ALMS1: variants seen among roughly 807,000 people sequenced by gnomAD.
ALMS1 encodes ALMS1 centrosome and basal body associated protein.
ALMS1 carries 271 observed loss-of-function variants against 352.2 expected under a neutral mutation model. The ratio of observed to expected loss-of-function variants is 0.77; its 90% CI spans 0.70 to 0.85. ALMS1 has a LOEUF of 0.85. Among genes scored for constraint, ALMS1 ranks in the 40% least tolerant of loss-of-function variants. The pLI is 0.00. For synonymous variants in ALMS1, 1,865 were observed against 1,761.2 expected, an observed-to-expected ratio of 1.06 and a Z score of -1.48; for missense variants, 5,445 against 4,870.7, an observed-to-expected ratio of 1.12 and a Z score of -3.51.
intron 1 of ALMS1, 119 bp from the exon 2 acceptor site, chr2:73,408,503 G>C: frequency 8.7e-7 from 1 of 1,154,632 alleles, no homozygotes; most frequent in Non-Finnish European, 1.2e-6. Context: ...AAATCAAAAT[G>C]TCGTATATGT....
At chr2:73,422,825 T>C in intron 3 of ALMS1, 32 bp from the exon 4 acceptor site, 1 of 1,531,272 alleles carries the variant, frequency 6.5e-7, no homozygotes, top group Non-Finnish European at 9.0e-7. Context: ...ATTTTCAGCA[T>C]TACCCAGCAT....
chr2:73,424,712 G>A lies in ALMS1; in HGVS notation c.1047G>A (p.Lys349=), dbSNP rs574271805. The change falls in exon 5 of 23, where the codon AAG becomes AAA. Residue 349 remains lysine, a synonymous_variant. Transcript: ENST00000613296. ...YDDLCSYMSW[K]TRKDTQWPEN... is the part of the protein sequence containing the mutation. ...ATCTTTGTTCATATATGTCATGGAA[G>A]ACACGAAAAGATACACAGTGGCCTG... The A allele has an allele frequency of 6.2e-7, 1 of 1,614,094 alleles. No individual in the cohort carries two copies. Among genetic ancestry groups the A allele is most frequent in the South Asian group, 1.1e-5 (1 of 91,066 alleles).
At position 73,597,840 on chromosome 2, in the gene ALMS1, A is replaced by G. The variant is rs77209034; in HGVS notation, c.11548-1561A>G. 1.2e-3 allele frequency among the ~76,000 whole-genome samples: 184 copies of G among 151,292 alleles called. 4 individuals carry two copies. In the East Asian group the frequency reaches 0.032, roughly 26 times the overall value. Reference sequence around the variant, plus strand: ...CCATTCCTCCTGCCTAATGAGCAGGACTTTACAATTGCCCCTACTAAACAT... The same window carrying G: ...CCATTCCTCCTGCCTAATGAGCAGGGCTTTACAATTGCCCCTACTAAACAT... On this transcript the variant is annotated intron_variant, in intron 16 of 22. Coordinates refer to ENST00000613296, the MANE Select transcript of ALMS1 (RefSeq NM_001378454.1).
At chr2:73,506,530 T>C (rs564480119) in intron 10 of ALMS1, among the ~76,000 whole-genome samples, 1 of 152,324 alleles carries the variant, frequency 6.6e-6, no homozygotes, top group African/African-American at 2.4e-5. Flanking sequence ...TTCCTAGGTA[T>C]TTTATTCTCT....
Position 73,448,504 on chromosome 2 carries a change from G to A in ALMS1, c.1977G>A (p.Thr659=), listed in dbSNP as rs201316401. The part of the protein sequence containing the change: ...SAAPGPVEQK[T]GIPTVSSTSH... ...CTCCTGGCCCAGTGGAGCAGAAGAC[G>A]GGAATACCTACAGTATCCTCTACAT... is the stretch of plus-strand genomic sequence containing the variant. Residue 659 remains threonine (T), a synonymous_variant, in exon 8 of 23, where the codon ACG becomes ACA. Transcript: ENST00000613296. 3.7e-5 allele frequency: 59 copies of A among 1,613,838 alleles called. No homozygotes were observed. The African/African-American group carries it at 6.1e-4, about 17-fold the overall frequency.
chr2:73,576,549 T>A (rs974045685), intron 16 of ALMS1, among the ~76,000 whole-genome samples: 1 of 152,118 alleles, frequency 6.6e-6, no homozygotes, highest in Non-Finnish European at 1.5e-5. Flanking sequence ...TGAGTGTTTT[T>A]GTCATCAAAG....
intron 3 of ALMS1, among the ~76,000 whole-genome samples, chr2:73,421,501 T>C (rs1671284086): frequency 6.6e-6 from 1 of 152,170 alleles, no homozygotes; most frequent in African/African-American, 2.4e-5. Flanking sequence ...AGAGGAACTG[T>C]ACCAATTGTT....
intron 1 of ALMS1, among the ~76,000 whole-genome samples, chr2:73,401,515 AAG>A (rs1670871417): frequency 6.6e-6 from 1 of 152,086 alleles, no homozygotes; most frequent in Admixed American, 6.5e-5. Context: ...TTAACCTCTT[AAG>A]TATGTTGGGA....
chr2:73,437,589 A>G (rs1238788989), intron 7 of ALMS1, among the ~76,000 whole-genome samples: 2 of 152,196 alleles, frequency 1.3e-5, no homozygotes, highest in African/African-American at 2.4e-5. Context: ...TATGGATCGT[A>G]TCTACTGATG....
chr2:73,573,502 A>G (rs999755648), intron 16 of ALMS1, 78 bp downstream of exon 16: 2 of 1,491,566 alleles, frequency 1.3e-6, no homozygotes, highest in African/African-American at 1.4e-5. Flanking sequence ...CACACAGGTG[A>G]AAAAAACAAG....
intron 7 of ALMS1, among the ~76,000 whole-genome samples, chr2:73,445,502 G>A (rs151302905): frequency 1.1e-4 from 17 of 152,184 alleles, no homozygotes; most frequent in African/African-American, 3.4e-4. Flanking sequence ...GACTTGGAAC[G>A]ATTACTAGTA....
At chr2:73,476,255 A>G (rs1399650450) in intron 9 of ALMS1, among the ~76,000 whole-genome samples, 1 of 152,028 alleles carries the variant, frequency 6.6e-6, no homozygotes, top group African/African-American at 2.4e-5. Flanking sequence ...ATATTATTCC[A>G]TTGTATGTGT....
intron 16 of ALMS1, among the ~76,000 whole-genome samples, chr2:73,583,927 A>G (rs560511253): frequency 5.3e-5 from 8 of 152,064 alleles, no homozygotes; most frequent in Non-Finnish European, 1.2e-4. Context: ...ATACTCCAAC[A>G]TTGTTCTTGT....
chr2:73,447,909 A>G (rs1671838431), intron 7 of ALMS1, 51 bp from the exon 8 acceptor site: 1 of 1,522,290 alleles, frequency 6.6e-7, no homozygotes. Context: ...AGCACATAGA[A>G]TTTTAAAATA....
chr2:73,416,034 G>A (rs1189048315), intron 2 of ALMS1, among the ~76,000 whole-genome samples: 2 of 152,144 alleles, frequency 1.3e-5, no homozygotes, highest in African/African-American at 4.8e-5. Flanking sequence ...AAGACTAATG[G>A]ATACATCTGT....
Position 73,419,188 on chromosome 2 carries a change from G to A in ALMS1, c.516G>A (p.Gln172=), listed in dbSNP as rs767428243. The A allele has an allele frequency of 6.2e-7, 1 of 1,613,906 alleles. No individual in the cohort carries two copies. Among genetic ancestry groups the A allele is most frequent in the Non-Finnish European group, 8.5e-7 (1 of 1,179,948 alleles). Residue 172 remains glutamine (Q), a synonymous_variant, in exon 3 of 23, where the codon CAG becomes CAA. Transcript: ENST00000613296. ...MDSSQTLDTS[Q]TRFNVRTEDT... is the part of the protein sequence containing the mutation. ...CTTCCCAAACCTTGGATACATCCCA[G>A]ACTAGGTTTAATGTGAGAACGGAAG... is the stretch of plus-strand genomic sequence containing the variant.
intron 16 of ALMS1, among the ~76,000 whole-genome samples, chr2:73,594,735 C>A (rs1020684035): frequency 3.3e-5 from 5 of 152,190 alleles, no homozygotes; most frequent in African/African-American, 9.7e-5. Context: ...TCTCTGAAGG[C>A]ACAGGAAACA....
intron 10 of ALMS1, among the ~76,000 whole-genome samples, chr2:73,497,568 CTA>C (rs1207202235): frequency 6.6e-6 from 1 of 151,978 alleles, no homozygotes; most frequent in Admixed American, 6.6e-5. Context: ...ATACTGTACT[CTA>C]TGAAGTGTAT....
At chr2:73,534,520 CT>C (rs1393984380) in intron 11 of ALMS1, among the ~76,000 whole-genome samples, 1 of 152,152 alleles carries the variant, frequency 6.6e-6, no homozygotes, top group Non-Finnish European at 1.5e-5. Context: ...ACTGTTTCCC[CT>C]GCATTTAAAC....
Sources: gnomAD v4.1 joint callset for allele counts (sites outside exome capture counted in the v4.1 genomes callset) on GRCh38, gnomAD v4.1.1 for gene constraint, MANE v1.5 for transcripts, NCBI Gene and HGNC (gene_info 2026-07-23, HGNC 2026-07-21) for gene names.